The following FAS variants were observed in gnomAD, a reference collection of about 807,000 sequenced individuals.
FAS encodes the protein Fas cell surface death receptor, also known as tumor necrosis factor receptor superfamily member 6.
In FAS, 5 loss-of-function variants were observed where a neutral mutation model predicts 33.2. The observed-to-expected ratio is 0.15, with a 90% CI of 0.08 to 0.32. The LOEUF (loss-of-function observed/expected upper bound fraction) is 0.32. Ranked by LOEUF, FAS falls within the 10% of genes least tolerant of loss-of-function variation. The pLI, the probability that FAS is intolerant of heterozygous loss-of-function variation, is 1.00. For synonymous variants in FAS, 131 were observed against 130.7 expected, an observed-to-expected ratio of 1.00 and a Z score of -0.01; for missense variants, 339 against 386.0, an observed-to-expected ratio of 0.88 and a Z score of 1.02.
intron 1 of FAS, among the ~76,000 whole-genome samples, chr10:88,970,120 TA>T (rs1287273599): frequency 6.6e-6 from 1 of 152,198 alleles, no homozygotes; most frequent in Non-Finnish European, 1.5e-5. Context: ...CCCTTATACT[TA>T]ATGTTAAAAT....
At chr10:88,968,006 T>A (rs892191385) in intron 1 of FAS, among the ~76,000 whole-genome samples, 1 of 152,208 alleles carries the variant, frequency 6.6e-6, no homozygotes, top group African/African-American at 2.4e-5. Flanking sequence ...AAAGTCCTTT[T>A]TTTTTTCTGT....
chr10:88,998,347 C>CA (rs3074154), intron 1 of FAS, among the ~76,000 whole-genome samples: 30,429 of 141,438 alleles, frequency 0.22, 3,545 homozygotes, highest in East Asian at 0.41. Context: ...TAAAAAAAAG[C>CA]AAAAAAAAAA....
intron 1 of FAS, among the ~76,000 whole-genome samples, chr10:88,997,509 C>T (rs919036642): frequency 6.6e-6 from 1 of 152,074 alleles, no homozygotes; most frequent in Non-Finnish European, 1.5e-5. Context: ...GATAAGATTA[C>T]CATGTGTATT....
upstream of FAS, among the ~76,000 whole-genome samples, chr10:88,987,414 G>A (rs554369080): frequency 1.9e-4 from 29 of 152,278 alleles, 2 homozygotes; most frequent in East Asian, 4.8e-3. Flanking sequence ...TTCAATTTCA[G>A]AACCAAATGC....
intron 2 of FAS, chr10:88,974,088 C>T (rs749827647): frequency 2.0e-5 from 3 of 152,170 alleles, no homozygotes; most frequent in Admixed American, 6.5e-5. Flanking sequence ...AGACATGAGC[C>T]ACTGTGCCCT....
upstream of FAS, among the ~76,000 whole-genome samples, chr10:88,984,461 A>G (rs551691628): frequency 4.6e-5 from 7 of 152,344 alleles, no homozygotes; most frequent in South Asian, 1.4e-3. Flanking sequence ...CTAGTGTCAT[A>G]TGTCAAGTGG....
intron 1 of FAS, among the ~76,000 whole-genome samples, chr10:88,972,818 G>A (rs1846479368): frequency 6.6e-6 from 1 of 152,120 alleles, no homozygotes; most frequent in African/African-American, 2.4e-5. Flanking sequence ...TGCTATCAAA[G>A]TGAGACCCCA....
At chr10:89,003,814 C>T (rs1848070514) in intron 2 of FAS, among the ~76,000 whole-genome samples, 1 of 152,048 alleles carries the variant, frequency 6.6e-6, no homozygotes, top group African/African-American at 2.4e-5. Context: ...GCAAACATTT[C>T]TTCAACTTTG....
upstream of FAS, among the ~76,000 whole-genome samples, chr10:88,989,879 G>T (rs530984808): frequency 2.0e-5 from 3 of 152,302 alleles, no homozygotes; most frequent in African/African-American, 7.2e-5. Context: ...CAGTAATGAT[G>T]TCATTATCCA....
At chr10:88,999,149 T>C (rs200811573) in intron 1 of FAS, among the ~76,000 whole-genome samples, 2 of 110,028 alleles carry the variant, frequency 1.8e-5, no homozygotes, top group Non-Finnish European at 4.1e-5. Context: ...CGAGACTCCG[T>C]CTCAAAAAAA....
At position 89,015,531 on chromosome 10, in the gene FAS, C is replaced by T. The variant is rs775814352; in HGVS notation, c.*1081C>T. On this transcript the variant is annotated 3_prime_UTR_variant, in exon 9 of 9. Transcript: ENST00000652046. ...GGATTTAGGAATTGCTCTTGTCATA[C>T]CCCCAAGTTTCTAAGATTTAAGATT... is the stretch of plus-strand genomic sequence containing the variant. 1.9e-6 allele frequency: 1 copy of T among 534,066 alleles called. No homozygotes were observed. 33.1% of individuals were successfully genotyped at this position (534,066 alleles called of 1,614,324 possible). A position where few individuals can be genotyped will look rare whatever the true frequency, so the allele number is the denominator to read the frequency against.
At position 89,015,200 on chromosome 10, in the gene FAS, C is replaced by T. The variant is rs1295094062; in HGVS notation, c.*750C>T. ...GAGAGTATTACTAGAGCTTTGCCAC[C>T]TCTCCATTTTTGCCTTGGTGCTCAT... On this transcript the variant is annotated 3_prime_UTR_variant, in exon 9 of 9. Transcript: ENST00000652046. The T allele has an allele frequency of 5.6e-6, 3 of 534,728 alleles. No homozygotes were observed. The highest frequency in any genetic ancestry group is 1.1e-5 in the Non-Finnish European group (3 of 276,726). The allele number at this position is 534,728 out of a possible 1,614,324, so 33.1% of individuals were successfully genotyped here. A position where few individuals can be genotyped will look rare whatever the true frequency, so the allele number is the denominator to read the frequency against.
At chr10:88,998,254 T>C (rs184462845) in intron 1 of FAS, among the ~76,000 whole-genome samples, 1 of 152,084 alleles carries the variant, frequency 6.6e-6, no homozygotes, top group East Asian at 1.9e-4. Flanking sequence ...TATCTTCCTC[T>C]GTTTGTATGT....
intron 3 of FAS, among the ~76,000 whole-genome samples, chr10:89,008,402 T>G: frequency 6.6e-6 from 1 of 152,216 alleles, no homozygotes; most frequent in East Asian, 1.9e-4. Context: ...CTATTCAGCC[T>G]ATAAAGCAAT....
upstream of FAS, among the ~76,000 whole-genome samples, chr10:88,989,146 T>G (rs1719213952): frequency 6.6e-6 from 1 of 152,212 alleles, no homozygotes; most frequent in African/African-American, 2.4e-5. Flanking sequence ...TAATAATCAC[T>G]CATCTCACTG....
rs1190255154 is a variant in FAS, at chr10:88,990,979, G to A, written c.30+73G>A. 3.7e-6 allele frequency: 6 copies of A among 1,606,398 alleles called. No homozygotes were observed. Among genetic ancestry groups the A allele is most frequent in the Non-Finnish European group, 5.1e-6 (6 of 1,173,662 alleles). Reference sequence around the variant, plus strand: ...GGGATAGGCAAAGTGGGGCGGGCGCGGGACGCGTGCGGGATTGCGGCGGCA... The same window carrying A: ...GGGATAGGCAAAGTGGGGCGGGCGCAGGACGCGTGCGGGATTGCGGCGGCA... On this transcript the variant is annotated intron_variant, in intron 1 of 8. Transcript: ENST00000652046. The surrounding 1 kb of genome is among the most constrained non-coding windows in gnomAD (Gnocchi z 4.9).
chr10:88,992,433 A>G (rs974296550), intron 1 of FAS: 2 of 152,200 alleles, frequency 1.3e-5, no homozygotes, highest in Non-Finnish European at 2.9e-5. Context: ...GTGTAAGAAA[A>G]TTGTCAAAGC....
intron 6 of FAS, among the ~76,000 whole-genome samples, 168 bp from the exon 7 acceptor site, chr10:89,011,831 T>C (rs1848544428): frequency 6.6e-6 from 1 of 152,212 alleles, no homozygotes; most frequent in Non-Finnish European, 1.5e-5. Context: ...CTTGACTTAG[T>C]AGTACGAAAG....
upstream of FAS, among the ~76,000 whole-genome samples, chr10:88,984,499 C>T (rs1846815985): frequency 1.3e-5 from 2 of 152,216 alleles, no homozygotes; most frequent in Admixed American, 1.3e-4. Flanking sequence ...AAATGTGATT[C>T]TGCATTTAAG....
Sources: gnomAD v4.1 joint callset for allele counts (sites outside exome capture counted in the v4.1 genomes callset) on GRCh38, gnomAD v4.1.1 for gene constraint, Gnocchi (gnomAD v3.1) non-coding constraint, MANE v1.5 for transcripts, NCBI Gene and HGNC (gene_info 2026-07-23, HGNC 2026-07-21) for gene names.